The following ZBTB20 variants were observed in gnomAD, a reference collection of about 807,000 sequenced individuals.
ZBTB20 encodes the protein zinc finger and BTB domain containing 20.
A neutral mutation model predicts 56.9 loss-of-function variants in ZBTB20; 9 were observed. That is an observed-to-expected ratio of 0.16 (90% confidence interval 0.10 to 0.28). The LOEUF (loss-of-function observed/expected upper bound fraction) is 0.28, where lower values mean the gene tolerates loss of function less well. Ranked by LOEUF, ZBTB20 falls within the 10% of genes least tolerant of loss-of-function variation. ZBTB20 has a pLI of 1.00. For missense variants in ZBTB20, 655 were observed against 1,003.0 expected (o/e 0.65, Z 4.69); for synonymous variants, 417 against 420.7 (o/e 0.99, Z 0.11).
intron 2 of ZBTB20, among the ~76,000 whole-genome samples, chr3:115,068,324 C>A (rs1217734341): frequency 1.1e-4 from 17 of 151,842 alleles, no homozygotes. Context: ...CCTAAAGAGA[C>A]AAAACGGGTG....
intron 6 of ZBTB20, among the ~76,000 whole-genome samples, chr3:114,686,088 C>T: frequency 6.6e-6 from 1 of 152,098 alleles, no homozygotes; most frequent in East Asian, 1.9e-4. Context: ...TCTGTCTTTT[C>T]CTCTACTCTC....
chr3:114,630,972 T>C (rs1362399682), intron 6 of ZBTB20, among the ~76,000 whole-genome samples: 2 of 152,202 alleles, frequency 1.3e-5, no homozygotes, highest in African/African-American at 4.8e-5. Flanking sequence ...TCCCTTTGCA[T>C]AGTTAAGCAA....
At chr3:114,456,671 A>C (rs2092042082) in intron 7 of ZBTB20, among the ~76,000 whole-genome samples, 1 of 152,182 alleles carries the variant, frequency 6.6e-6, no homozygotes, top group South Asian at 2.1e-4. Context: ...TTTTCGGGAC[A>C]CATATGATCA....
chr3:114,359,862 C>T (rs894091856), intron 10 of ZBTB20, among the ~76,000 whole-genome samples: 12 of 152,152 alleles, frequency 7.9e-5, no homozygotes, highest in African/African-American at 2.9e-4. Context: ...TGAAAACCAG[C>T]ATCTTCTTAC....
At position 114,509,924 on chromosome 3, in the gene ZBTB20, C is replaced by T. The variant is rs116197150; in HGVS notation, c.-294-9533G>A. 5.0e-3 allele frequency among the ~76,000 whole-genome samples: 759 copies of T among 152,208 alleles called. 8 individuals carry two copies. The highest frequency in any genetic ancestry group is 0.017 in the African/African-American group (723 of 41,546). ...TCCAGGGATCGAGGATGTTTTCTAT[C>T]TGCTCCTTAACCTCCCACTTCAAGG... On this transcript the variant is annotated intron_variant, in intron 6 of 11. Transcript: ENST00000675478.
At chr3:115,090,036 A>G (rs577017829) in intron 1 of ZBTB20, among the ~76,000 whole-genome samples, 4 of 151,996 alleles carry the variant, frequency 2.6e-5, no homozygotes, top group African/African-American at 7.2e-5. Context: ...CAATATTACT[A>G]GGATCTTTGG....
At chr3:115,141,671 G>C (rs1029807981) in intron 1 of ZBTB20, among the ~76,000 whole-genome samples, 1 of 152,142 alleles carries the variant, frequency 6.6e-6, no homozygotes, top group Non-Finnish European at 1.5e-5. Flanking sequence ...AAACAAGTTT[G>C]TGGAAATTTT....
intron 3 of ZBTB20, among the ~76,000 whole-genome samples, chr3:114,954,676 G>A (rs1019468469): frequency 3.9e-5 from 6 of 152,162 alleles, no homozygotes; most frequent in Non-Finnish European, 8.8e-5. Context: ...ATGCTTCAAT[G>A]AGAACACTGA....
chr3:114,720,881 T>C (rs555307068), intron 5 of ZBTB20, among the ~76,000 whole-genome samples: 2 of 152,174 alleles, frequency 1.3e-5, no homozygotes, highest in Non-Finnish European at 2.9e-5. Flanking sequence ...AAAATTCAGA[T>C]ATTCAGAATA....
chr3:114,541,985 T>G (rs551020223), intron 6 of ZBTB20, among the ~76,000 whole-genome samples: 1 of 152,210 alleles, frequency 6.6e-6, no homozygotes, highest in Non-Finnish European at 1.5e-5. Context: ...TATTAAAGAA[T>G]GAGTAATCAT....
chr3:114,634,788 A>T (rs1281526154), intron 6 of ZBTB20, among the ~76,000 whole-genome samples: 1 of 152,218 alleles, frequency 6.6e-6, no homozygotes, highest in South Asian at 2.1e-4. Flanking sequence ...TGTGCCACAG[A>T]AAGTGAGATT....
intron 5 of ZBTB20, among the ~76,000 whole-genome samples, chr3:114,750,403 G>T (rs1362736474): frequency 6.6e-6 from 1 of 152,074 alleles, no homozygotes; most frequent in Non-Finnish European, 1.5e-5. Flanking sequence ...TGACTCTAAA[G>T]CAATAGGTAA....
At chr3:114,376,827 A>C in intron 10 of ZBTB20, among the ~76,000 whole-genome samples, 1 of 152,258 alleles carries the variant, frequency 6.6e-6, no homozygotes, top group East Asian at 1.9e-4. Flanking sequence ...GCTTCCAACA[A>C]AAGAAAGACA....
intron 1 of ZBTB20, among the ~76,000 whole-genome samples, chr3:115,095,395 A>G (rs1259599097): frequency 6.6e-6 from 1 of 152,148 alleles, no homozygotes; most frequent in African/African-American, 2.4e-5. Flanking sequence ...CAGAAAGGCA[A>G]GCTCCATGTC....
chr3:114,405,615 T>A (rs1294967317), intron 7 of ZBTB20, among the ~76,000 whole-genome samples: 1 of 152,310 alleles, frequency 6.6e-6, no homozygotes, highest in African/African-American at 2.4e-5. Flanking sequence ...TATATTTGTA[T>A]GATGTTTGGC....
chr3:114,677,937 A>C (rs1361657846), intron 6 of ZBTB20, among the ~76,000 whole-genome samples: 1 of 152,156 alleles, frequency 6.6e-6, no homozygotes, highest in Non-Finnish European at 1.5e-5. Context: ...TAAGAAGGTT[A>C]TATGTTAAGG....
intron 5 of ZBTB20, among the ~76,000 whole-genome samples, chr3:114,776,484 G>A (rs1286051527): frequency 2.0e-5 from 3 of 152,156 alleles, no homozygotes; most frequent in Non-Finnish European, 2.9e-5. Flanking sequence ...AGCTGAGGAA[G>A]GCAAAGAAAA....
At chr3:114,616,323 A>C (rs1193103636) in intron 6 of ZBTB20, among the ~76,000 whole-genome samples, 1 of 152,180 alleles carries the variant, frequency 6.6e-6, no homozygotes, top group African/African-American at 2.4e-5. Flanking sequence ...TGCCTTTATA[A>C]TCATCTCCCT....
At chr3:114,472,774 T>C (rs2040288739) in intron 7 of ZBTB20, among the ~76,000 whole-genome samples, 1 of 151,996 alleles carries the variant, frequency 6.6e-6, no homozygotes, top group East Asian at 1.9e-4. Context: ...TACAGCATGC[T>C]GTTGACCCTG....
Sources: allele counts gnomAD v4.1 joint callset (sites outside exome capture counted in the v4.1 genomes callset), GRCh38; gene constraint gnomAD v4.1.1; transcripts MANE v1.5; gene names NCBI Gene and HGNC (gene_info 2026-07-23, HGNC 2026-07-21).